The following STAM variants were observed in gnomAD, a reference collection of about 807,000 sequenced individuals.
STAM encodes signal transducing adapter molecule 1.
In STAM, 16 loss-of-function variants were observed where a neutral mutation model predicts 63.4. That is an observed-to-expected ratio of 0.25 (90% CI 0.17 to 0.38). STAM has a LOEUF of 0.38. Ranked by LOEUF, STAM falls within the 10% of genes least tolerant of loss-of-function variation. The pLI is 1.00. For missense variants in STAM, 636 were observed against 657.1 expected (o/e 0.97, Z 0.35); for synonymous variants, 238 against 223.9 (o/e 1.06, Z -0.56).
At chr10:17,711,368 T>C (rs1345357332) in intron 13 of STAM, among the ~76,000 whole-genome samples, 1 of 152,218 alleles carries the variant, frequency 6.6e-6, no homozygotes, top group Non-Finnish European at 1.5e-5. Context: ...CTTATGTATT[T>C]ATTTGTCTCT....
intron 2 of STAM, among the ~76,000 whole-genome samples, chr10:17,680,813 G>T (rs557453012): frequency 1.3e-5 from 2 of 152,254 alleles, no homozygotes; most frequent in South Asian, 4.1e-4. Context: ...GTTCATCCCT[G>T]TTATAGCGTA....
At chr10:17,645,017 G>A (rs1554820654) in intron 1 of STAM, among the ~76,000 whole-genome samples, 1 of 152,222 alleles carries the variant, frequency 6.6e-6, no homozygotes, top group East Asian at 1.9e-4. Flanking sequence ...TGTGGAAGAA[G>A]TTGTTGAATC....
chr10:17,666,413 G>C (rs1229243804), intron 2 of STAM, among the ~76,000 whole-genome samples: 1 of 18,882 alleles, frequency 5.3e-5, no homozygotes, highest in African/African-American at 2.7e-4. Context: ...TTTTTTTTTT[G>C]AGACAGAGTC....
At chr10:17,700,168 G>A (rs782592955) in intron 8 of STAM, 23 bp from the exon 9 acceptor site, 1 of 1,557,626 alleles carries the variant, frequency 6.4e-7, no homozygotes, top group South Asian at 1.2e-5. Flanking sequence ...ATTAAAAAAA[G>A]ATAACTTTTA....
intron 1 of STAM, among the ~76,000 whole-genome samples, chr10:17,647,159 T>C (rs1395086732): frequency 2.0e-5 from 3 of 152,194 alleles, no homozygotes; most frequent in Non-Finnish European, 2.9e-5. Flanking sequence ...GCTGAAGAAC[T>C]TTCAGTAAAC....
intron 2 of STAM, among the ~76,000 whole-genome samples, chr10:17,678,900 C>A (rs1476371220): frequency 6.6e-6 from 1 of 152,116 alleles, no homozygotes; most frequent in African/African-American, 2.4e-5. Flanking sequence ...TTGTGTCAGA[C>A]TTATTTCACT....
chr10:17,687,243 G>A (rs1835328351), intron 4 of STAM, among the ~76,000 whole-genome samples: 1 of 152,294 alleles, frequency 6.6e-6, no homozygotes, highest in Non-Finnish European at 1.5e-5. Context: ...GGGAGGCTGA[G>A]GCGGGCGAAT....
chr10:17,651,507 T>C (rs1554821548), intron 1 of STAM, among the ~76,000 whole-genome samples: 2 of 152,236 alleles, frequency 1.3e-5, no homozygotes, highest in Non-Finnish European at 2.9e-5. Context: ...CCATCTGATA[T>C]CCACTGGATT....
intron 8 of STAM, among the ~76,000 whole-genome samples, chr10:17,698,923 C>G (rs75260471): frequency 0.06 from 9,069 of 152,200 alleles, 367 homozygotes; most frequent in Middle Eastern, 0.13. Flanking sequence ...GCAGATGTTT[C>G]TTTTCCTTTA....
At chr10:17,689,318 T>C (rs1554826490) in intron 5 of STAM, among the ~76,000 whole-genome samples, 2 of 152,202 alleles carry the variant, frequency 1.3e-5, no homozygotes, top group African/African-American at 4.8e-5. Context: ...GAGGGGCTTA[T>C]GTTTTGACCA....
At chr10:17,702,404 TTGAA>T (rs1554828588) in intron 9 of STAM, among the ~76,000 whole-genome samples, 2 of 152,124 alleles carry the variant, frequency 1.3e-5, no homozygotes, top group Non-Finnish European at 2.9e-5. Context: ...AGACTGTTGT[TTGAA>T]TGGTAATGGT....
At chr10:17,700,100 A>G in intron 8 of STAM, 91 bp from the exon 9 acceptor site, 1 of 1,092,262 alleles carries the variant, frequency 9.2e-7, no homozygotes, top group South Asian at 1.7e-5. Context: ...AGTATAAGAA[A>G]AATCCCCAAA....
At chr10:17,713,228 C>G (rs1836638381) in intron 13 of STAM, among the ~76,000 whole-genome samples, 1 of 152,178 alleles carries the variant, frequency 6.6e-6, no homozygotes, top group African/African-American at 2.4e-5. Context: ...ACTTCAAGGT[C>G]CAGTGCACAG....
intron 5 of STAM, among the ~76,000 whole-genome samples, chr10:17,688,628 A>T (rs1589080545): frequency 6.9e-6 from 1 of 144,110 alleles, no homozygotes; most frequent in African/African-American, 2.5e-5. Flanking sequence ...AGACCTGGAA[A>T]TTTTTTTTTT....
chr10:17,693,120 C>A, intron 5 of STAM, 102 bp from the exon 6 acceptor site: 2 of 841,704 alleles, frequency 2.4e-6, no homozygotes, highest in Non-Finnish European at 3.7e-6. Flanking sequence ...TTTCAGAAAT[C>A]TGTGCTAGAT....
chr10:17,713,809 T>C (rs999957221), intron 13 of STAM, among the ~76,000 whole-genome samples: 2 of 152,100 alleles, frequency 1.3e-5, no homozygotes, highest in Admixed American at 1.3e-4. Flanking sequence ...TGGAATCTTA[T>C]CACGCTTCTG....
At chr10:17,663,073 G>A (rs1834235868) in intron 2 of STAM, among the ~76,000 whole-genome samples, 1 of 152,036 alleles carries the variant, frequency 6.6e-6, no homozygotes, top group South Asian at 2.1e-4. Context: ...TTGTCAAAAG[G>A]CAAACCCCCT....
At chr10:17,695,325 C>A in intron 7 of STAM, 84 bp downstream of exon 7, 1 of 1,261,626 alleles carries the variant, frequency 7.9e-7, no homozygotes, top group Middle Eastern at 2.3e-4. Context: ...TTGCAGTTAC[C>A]AAATACAATA....
At chr10:17,714,264 C>G (rs1836698978) in intron 13 of STAM, among the ~76,000 whole-genome samples, 1 of 152,098 alleles carries the variant, frequency 6.6e-6, no homozygotes, top group Non-Finnish European at 1.5e-5. Flanking sequence ...CCCTTTTCTA[C>G]CACTAGAACA....
Sources: allele counts gnomAD v4.1 joint callset (sites outside exome capture counted in the v4.1 genomes callset), GRCh38; gene constraint gnomAD v4.1.1; transcripts MANE v1.5; gene names NCBI Gene and HGNC (gene_info 2026-07-23, HGNC 2026-07-21).